SLC7A10: variants seen among roughly 807,000 people sequenced by gnomAD.
The protein encoded by SLC7A10 is solute carrier family 7 member 10.
Under a neutral mutation model 52.7 loss-of-function variants are expected in SLC7A10, and 30 were observed. The ratio of observed to expected loss-of-function variants is 0.57; its 90% CI spans 0.43 to 0.77. The LOEUF (loss-of-function observed/expected upper bound fraction) is 0.77. SLC7A10 is among the 30% of genes least tolerant of loss of function. SLC7A10 has a pLI of 0.00. For missense variants in SLC7A10, 581 were observed against 698.5 expected, an observed-to-expected ratio of 0.83 and a Z score of 1.90; for synonymous variants, 318 against 314.9, an observed-to-expected ratio of 1.01 and a Z score of -0.10.
At chr19:33,222,838 G>A (rs1974841351) in intron 1 of SLC7A10, among the ~76,000 whole-genome samples, 1 of 152,076 alleles carries the variant, frequency 6.6e-6, no homozygotes, top group African/African-American at 2.4e-5. Flanking sequence ...TGAGTCTCAC[G>A]CCAGCCCATA....
chr19:33,210,777 G>A lies in SLC7A10; in HGVS notation c.1113+25C>T. On this transcript the variant is annotated intron_variant, in intron 8 of 10. Transcript: ENST00000253188. The surrounding 1 kb of genome is among the most constrained non-coding windows in gnomAD (Gnocchi z 5.6). ...CCGGGTAGCCCTGCCTCCACGCCCTGCCTGGCCCAGGTCCCCCAACTTACA... is the reference window on the plus strand; with the variant it reads ...CCGGGTAGCCCTGCCTCCACGCCCTACCTGGCCCAGGTCCCCCAACTTACA... 1 of 1,612,296 alleles carries A rather than the reference G, an allele frequency of 6.2e-7. No individual in the cohort carries two copies. Among genetic ancestry groups the A allele is most frequent in the Non-Finnish European group, 8.5e-7 (1 of 1,179,214 alleles).
chr19:33,212,547 T>G lies in SLC7A10; in HGVS notation c.601A>C (p.Ile201Leu). 6.2e-7 allele frequency: 1 copy of G among 1,613,964 alleles called. No individual in the cohort carries two copies. ...TGGKLLALSL[I>L]IGVGLLQIFQ... ...ATCTGGAGAAGGCCCACGCCGATGATGAGGGACAAGGCCAGCAGCTTCCCG... is the reference window on the plus strand; with the variant it reads ...ATCTGGAGAAGGCCCACGCCGATGAGGAGGGACAAGGCCAGCAGCTTCCCG... Residue 201 changes from isoleucine to leucine, a missense_variant, in exon 4 of 11, where the codon ATC becomes CTC. Transcript: ENST00000253188.
chr19:33,218,691 T>TCTTTCTTTCTTTCTTTC (rs1568394309), intron 1 of SLC7A10, among the ~76,000 whole-genome samples: 1 of 87,750 alleles, frequency 1.1e-5, no homozygotes, highest in Non-Finnish European at 2.3e-5. Flanking sequence ...CTTTTTTTTT[T>TCTTTCTTTCTTTCTTTC]TTTTTTAGTA....
chr19:33,211,759 GC>G, intron 5 of SLC7A10: 1 of 735,800 alleles, frequency 1.4e-6, no homozygotes, highest in Non-Finnish European at 2.2e-6. Flanking sequence ...TGGGGGAGGG[GC>G]CCCATCACAT....
chr19:33,220,050 GT>G (rs1974781229), intron 1 of SLC7A10: 1 of 152,250 alleles, frequency 6.6e-6, no homozygotes, highest in Non-Finnish European at 1.5e-5. Flanking sequence ...TGCGGCCTGG[GT>G]GAAGCCTACT....
Position 33,225,791 on chromosome 19 carries a change from C to T in SLC7A10, c.-88G>A, listed in dbSNP as rs1974913487. ...GGTCCGTCGGTCCGTGAGCTCACGG[C>T]CCTCGCAGCCGGGACAGCGCCCACA... On this transcript the variant is annotated 5_prime_UTR_variant, in exon 1 of 11. Coordinates refer to ENST00000253188, the MANE Select transcript of SLC7A10 (RefSeq NM_019849.3). 6 of 1,343,772 alleles carry T rather than the reference C, an allele frequency of 4.5e-6. No individual in the cohort carries two copies. In the South Asian group the frequency reaches 9.9e-5, roughly 22 times the overall value. The allele number at this position is 1,343,772 out of a possible 1,614,324, so 83.2% of individuals were successfully genotyped here.
intron 2 of SLC7A10, among the ~76,000 whole-genome samples, chr19:33,214,526 CCT>C (rs1337265886): frequency 6.6e-6 from 1 of 152,216 alleles, no homozygotes; most frequent in African/African-American, 2.4e-5. Flanking sequence ...GCTTCAATCC[CCT>C]GATGCTCTCC....
chr19:33,212,653 G>T lies in SLC7A10; in HGVS notation c.509-14C>A. ...ATGTCAGGAGCACTGCGGAGGGAAG[G>T]CGGGGGTGGGCGCCGAGGCCGGGAC... On this transcript the variant is annotated splice_polypyrimidine_tract_variant and intron_variant, in intron 3 of 10. Transcript: ENST00000253188. 6.2e-7 allele frequency: 1 copy of T among 1,613,500 alleles called. No individual in the cohort carries two copies. Among genetic ancestry groups the T allele is most frequent in the Non-Finnish European group, 8.5e-7 (1 of 1,180,044 alleles).
intron 1 of SLC7A10, among the ~76,000 whole-genome samples, chr19:33,221,500 A>T (rs892732411): frequency 2.0e-5 from 3 of 152,204 alleles, no homozygotes; most frequent in Admixed American, 6.5e-5. Flanking sequence ...ATCTGACCCC[A>T]GGGCAGGTTG....
chr19:33,220,549 G>A (rs1321377266), intron 1 of SLC7A10, among the ~76,000 whole-genome samples: 1 of 151,944 alleles, frequency 6.6e-6, no homozygotes, highest in African/African-American at 2.4e-5. Flanking sequence ...CCAGGGCTCA[G>A]TCCTGGGGCT....
At chr19:33,216,684 C>G (rs922450843) in intron 1 of SLC7A10, among the ~76,000 whole-genome samples, 1 of 152,156 alleles carries the variant, frequency 6.6e-6, no homozygotes, top group South Asian at 2.1e-4. Context: ...AAGCAATTCT[C>G]CTGCCTCAGC....
At chr19:33,211,360 A>AG in intron 6 of SLC7A10, 32 bp from the exon 7 acceptor site, 1 of 1,613,686 alleles carries the variant, frequency 6.2e-7, no homozygotes, top group Non-Finnish European at 8.5e-7. Context: ...GCCATGTGTA[A>AG]GGCCGGGGCA....
intron 1 of SLC7A10, among the ~76,000 whole-genome samples, chr19:33,221,768 C>A (rs1974815394): frequency 6.6e-6 from 1 of 152,146 alleles, no homozygotes; most frequent in Non-Finnish European, 1.5e-5. Flanking sequence ...GGCCCACAAA[C>A]CCCTGCAGGA....
In SLC7A10 at chr19:33,215,846, A is replaced by G; in HGVS notation, c.279T>C (p.Tyr93=). Residue 93 remains tyrosine (Y), a synonymous_variant, in exon 2 of 11, where the codon TAT becomes TAC. Transcript: ENST00000253188. ...TGGGGATGGCGACTCCCAGCTCTGC[A>G]TAGCAGAGGGAGCCCAGAGCCGTCA... ...GGVTALGSLC[Y]AELGVAIPKS... The G allele has an allele frequency of 3.1e-6, 5 of 1,599,186 alleles. No homozygotes were observed. The highest frequency in any genetic ancestry group is 1.7e-4 in the Middle Eastern group (1 of 6,040).
At chr19:33,222,695 C>A (rs2145494362) in intron 1 of SLC7A10, among the ~76,000 whole-genome samples, 1 of 152,280 alleles carries the variant, frequency 6.6e-6, no homozygotes, top group African/African-American at 2.4e-5. Context: ...AGGTGTTTTT[C>A]TGAACAGATA....
chr19:33,213,730 G>C (rs1974610058), intron 2 of SLC7A10, among the ~76,000 whole-genome samples: 1 of 152,216 alleles, frequency 6.6e-6, no homozygotes, highest in Non-Finnish European at 1.5e-5. Context: ...TCTGAGCTGT[G>C]TTCCCCCTGA....
rs138826277 is a variant in SLC7A10, at chr19:33,208,743, A to T, written c.*148T>A. The T allele has an allele frequency of 1.2e-3, 1,177 of 999,010 alleles. 13 individuals carry two copies. In the African/African-American group the frequency reaches 0.022, roughly 18 times the overall value. 61.9% of individuals were successfully genotyped at this position (999,010 alleles called of 1,614,324 possible). On this transcript the variant is annotated 3_prime_UTR_variant, in exon 11 of 11. Coordinates refer to ENST00000253188, the MANE Select transcript of SLC7A10 (RefSeq NM_019849.3). The surrounding 1 kb of genome is among the most constrained non-coding windows in gnomAD (Gnocchi z 4.7). ...TGCTAAGACAGGAAACCCAGTCCAC[A>T]TTTTAGGGCTTCCTTAAACAGGCTT...
chr19:33,208,890 C>T lies in SLC7A10; in HGVS notation c.*1G>A, dbSNP rs2145463262. 1 of 1,610,648 alleles carries T rather than the reference C, an allele frequency of 6.2e-7. No individual in the cohort carries two copies. The highest frequency in any genetic ancestry group is 8.5e-7 in the Non-Finnish European group (1 of 1,178,236). Reference sequence around the variant, plus strand: ...CAACTGCTTCAGTCTCTACAAAAATCTCATTGTGGCTTCGAGGGCTTGTCT... The same window carrying T: ...CAACTGCTTCAGTCTCTACAAAAATTTCATTGTGGCTTCGAGGGCTTGTCT... On this transcript the variant is annotated 3_prime_UTR_variant, in exon 11 of 11. Transcript: ENST00000253188. This position sits in a 1 kb window ranked among gnomAD's most constrained non-coding sequence, Gnocchi z 4.7.
intron 1 of SLC7A10, among the ~76,000 whole-genome samples, chr19:33,217,263 C>T (rs183238016): frequency 1.8e-4 from 28 of 152,190 alleles, no homozygotes; most frequent in East Asian, 1.4e-3. Flanking sequence ...CCACCCACTT[C>T]GGCCTCCCGA....
Sources: allele counts gnomAD v4.1 joint callset (sites outside exome capture counted in the v4.1 genomes callset), GRCh38; gene constraint gnomAD v4.1.1; non-coding constraint Gnocchi (gnomAD v3.1); transcripts MANE v1.5; gene names NCBI Gene and HGNC (gene_info 2026-07-23, HGNC 2026-07-21).